The following CPPED1 variants were observed in gnomAD, a reference collection of about 807,000 sequenced individuals.
CPPED1 encodes the protein calcineurin like phosphoesterase domain containing 1.
CPPED1 carries 28 observed loss-of-function variants against 28.0 expected under a neutral mutation model. That is an observed-to-expected ratio of 1.00 (90% CI 0.74 to 1.37). The LOEUF (loss-of-function observed/expected upper bound fraction) is 1.37, where lower values mean the gene tolerates loss of function less well. Among genes scored for constraint, CPPED1 ranks in the 40% most tolerant of loss-of-function variants. The probability of loss-of-function intolerance (pLI) is 0.00; values close to 1 mark genes in which losing one functional copy is unlikely to be tolerated. For missense variants in CPPED1, 504 were observed against 416.5 expected, an observed-to-expected ratio of 1.21 and a Z score of -1.83; for synonymous variants, 198 against 180.2, an observed-to-expected ratio of 1.10 and a Z score of -0.79.
chr16:12,673,823 G>A (rs867040035), intron 3 of CPPED1, among the ~76,000 whole-genome samples: 11 of 152,156 alleles, frequency 7.2e-5, no homozygotes, highest in South Asian at 2.1e-4. Flanking sequence ...GAGGTTAGAG[G>A]ATCGCTTGGG....
chr16:12,776,114 C>G (rs898985645), intron 2 of CPPED1, among the ~76,000 whole-genome samples: 1 of 152,130 alleles, frequency 6.6e-6, no homozygotes, highest in African/African-American at 2.4e-5. Context: ...TCACCAGGAT[C>G]TTTACAAGAG....
At chr16:12,677,901 T>C (rs1474187206) in intron 3 of CPPED1, among the ~76,000 whole-genome samples, 2 of 152,232 alleles carry the variant, frequency 1.3e-5, no homozygotes, top group Admixed American at 1.3e-4. Flanking sequence ...GTGGGCCATG[T>C]GGTCTCTGTC....
Position 12,781,330 on chromosome 16 carries a change from G to A in CPPED1, c.144C>T (p.Ala48=), listed in dbSNP as rs1328020991. Residue 48 remains alanine (A), a synonymous_variant, in exon 2 of 4, where the codon GCC becomes GCT. Transcript: ENST00000381774. ...CATTGTCACAGTCCCCAGTGGACCA[G>A]GCCTTGATCAGCCCAAACTGTGGGT... ...GADPQFGLIK[A]WSTGDCDNGG... 6.2e-7 allele frequency: 1 copy of A among 1,614,022 alleles called. No homozygotes were observed. The highest frequency in any genetic ancestry group is 8.5e-7 in the Non-Finnish European group (1 of 1,180,040).
chr16:12,781,115 T>C, intron 2 of CPPED1, 70 bp downstream of exon 2: 1 of 1,433,294 alleles, frequency 7.0e-7, no homozygotes, highest in Non-Finnish European at 9.6e-7. Flanking sequence ...AAAATCTTTT[T>C]TTCTCCTGCC....
intron 2 of CPPED1, among the ~76,000 whole-genome samples, chr16:12,779,672 C>T (rs191426709): frequency 7.8e-4 from 119 of 152,158 alleles, no homozygotes; most frequent in Non-Finnish European, 1.4e-3. Context: ...CCACCGCGCC[C>T]GGCCATTCTC....
At chr16:12,793,310 G>C (rs2080607603) in intron 1 of CPPED1, among the ~76,000 whole-genome samples, 1 of 152,090 alleles carries the variant, frequency 6.6e-6, no homozygotes, top group African/African-American at 2.4e-5. Context: ...GTGGAGACGC[G>C]CTCCAGGGAG....
intron 1 of CPPED1, among the ~76,000 whole-genome samples, chr16:12,786,912 A>G (rs940290665): frequency 2.6e-5 from 4 of 152,226 alleles, no homozygotes; most frequent in Non-Finnish European, 5.9e-5. Context: ...ACTCCATCTC[A>G]AAAGTAAGAA....
rs1452052812 is a variant in CPPED1, at chr16:12,709,269, ACT to A, written c.290-4222_290-4221del. ...GAAAGGCAGGGAAACAAGGGGAAAG[ACT>A]CTGAAAAATGGCAAGACATGACTCA... On this transcript the variant is annotated intron_variant, in intron 2 of 3. Transcript: ENST00000381774. The surrounding 1 kb of genome is among the most constrained non-coding windows in gnomAD (Gnocchi z 4.4). 6.6e-6 allele frequency among the ~76,000 whole-genome samples: 1 copy of A among 152,052 alleles called. No individual in the cohort carries two copies. The highest frequency in any genetic ancestry group is 2.4e-5 in the African/African-American group (1 of 41,382).
At chr16:12,758,183 C>T (rs1257524128) in intron 2 of CPPED1, among the ~76,000 whole-genome samples, 3 of 152,082 alleles carry the variant, frequency 2.0e-5, no homozygotes, top group Admixed American at 6.5e-5. Context: ...CCATTACTGC[C>T]ACCCCCAGTG....
At chr16:12,802,815 A>G (rs1424541879) in intron 1 of CPPED1, among the ~76,000 whole-genome samples, 1 of 152,216 alleles carries the variant, frequency 6.6e-6, no homozygotes, top group African/African-American at 2.4e-5. Context: ...CAGTTCAAAC[A>G]AGGGCAACAA....
chr16:12,696,604 A>G (rs554781088), intron 3 of CPPED1, among the ~76,000 whole-genome samples: 11 of 151,708 alleles, frequency 7.3e-5, no homozygotes, highest in African/African-American at 2.7e-4. Flanking sequence ...ACCACGCTCC[A>G]CTAATTTTTT....
At chr16:12,789,596 G>A (rs941214336) in intron 1 of CPPED1, among the ~76,000 whole-genome samples, 3 of 152,252 alleles carry the variant, frequency 2.0e-5, no homozygotes, top group Non-Finnish European at 4.4e-5. Context: ...CATGACCTTG[G>A]TTCACTGCAA....
chr16:12,752,282 T>C lies in CPPED1; in HGVS notation c.289+28903A>G, dbSNP rs1023334017. On this transcript the variant is annotated intron_variant, in intron 2 of 3. Coordinates refer to ENST00000381774, the MANE Select transcript of CPPED1 (RefSeq NM_018340.3). ...ATCTTCTGGCTCTTAAAAAGCCTAA[T>C]TGATGTTAGTTTATGACATAAACTG... 5.9e-5 allele frequency among the ~76,000 whole-genome samples: 9 copies of C among 152,284 alleles called. No homozygotes were observed. In the East Asian group the frequency reaches 7.7e-4, roughly 13 times the overall value.
intron 1 of CPPED1, among the ~76,000 whole-genome samples, chr16:12,784,884 TTTCA>T (rs2080553654): frequency 6.6e-6 from 1 of 152,234 alleles, no homozygotes; most frequent in East Asian, 1.9e-4. Flanking sequence ...AAAACAAATC[TTTCA>T]TTATTACTTG....
intron 3 of CPPED1, among the ~76,000 whole-genome samples, chr16:12,700,423 C>T (rs114168053): frequency 0.013 from 2,007 of 152,328 alleles, 46 homozygotes; most frequent in African/African-American, 0.045. Context: ...TCTGAACATG[C>T]TCTGTTGCCC....
intron 1 of CPPED1, among the ~76,000 whole-genome samples, chr16:12,795,986 G>A (rs1298107099): frequency 1.3e-5 from 2 of 151,896 alleles, no homozygotes; most frequent in Admixed American, 6.6e-5. Context: ...GGGAGTCCGA[G>A]GCAGGAGAAT....
chr16:12,690,641 A>G (rs1224810681), intron 3 of CPPED1, among the ~76,000 whole-genome samples: 1 of 150,532 alleles, frequency 6.6e-6, no homozygotes, highest in Admixed American at 6.6e-5. Context: ...AAATAGTGAA[A>G]CAGTGAGATC....
In CPPED1 at chr16:12,661,979, C is replaced by G. The variant is rs934531608; in HGVS notation, c.*2907G>C. ...GGTGCAACCTTTCACCTCTGAGAAA[C>G]GTTTTCCAAGACAGGACAGTGTTAT... On this transcript the variant is annotated 3_prime_UTR_variant, in exon 4 of 4. Transcript: ENST00000381774. The G allele has an allele frequency of 4.6e-5, 7 of 152,374 alleles. No individual in the cohort carries two copies. Among genetic ancestry groups the G allele is most frequent in the Admixed American group, 1.3e-4 (2 of 15,302 alleles). 9.4% of individuals were successfully genotyped at this position (152,374 alleles called of 1,614,324 possible). A position where few individuals can be genotyped will look rare whatever the true frequency, so the allele number is the denominator to read the frequency against.
chr16:12,785,697 G>C (rs376710359), intron 1 of CPPED1, among the ~76,000 whole-genome samples: 1 of 152,080 alleles, frequency 6.6e-6, no homozygotes, highest in African/African-American at 2.4e-5. Flanking sequence ...GACTCCCAAA[G>C]TACTGGGATT....
Sources: allele counts gnomAD v4.1 joint callset (sites outside exome capture counted in the v4.1 genomes callset), GRCh38; gene constraint gnomAD v4.1.1; non-coding constraint Gnocchi (gnomAD v3.1); transcripts MANE v1.5; gene names NCBI Gene and HGNC (gene_info 2026-07-23, HGNC 2026-07-21).